Variants in IGF2BP2 observed in about 807,000 individuals in gnomAD.
IGF2BP2 encodes the protein insulin like growth factor 2 mRNA binding protein 2, also known as insulin-like growth factor 2 mRNA-binding protein 2.
In IGF2BP2, 17 loss-of-function variants were observed where a neutral mutation model predicts 75.8. That is an observed-to-expected ratio of 0.22 (90% confidence interval 0.15 to 0.34). The LOEUF (loss-of-function observed/expected upper bound fraction) is 0.34, where lower values mean the gene tolerates loss of function less well. Among genes scored for constraint, IGF2BP2 ranks in the 10% least tolerant of loss-of-function variants. The probability of loss-of-function intolerance (pLI) is 1.00; values close to 1 mark genes in which losing one functional copy is unlikely to be tolerated. For synonymous variants in IGF2BP2, 288 were observed against 295.6 expected, an observed-to-expected ratio of 0.97 and a Z score of 0.26; for missense variants, 516 against 772.4, an observed-to-expected ratio of 0.67 and a Z score of 3.93.
intron 2 of IGF2BP2, among the ~76,000 whole-genome samples, chr3:185,708,948 G>A (rs141611913): frequency 1.4e-3 from 211 of 152,280 alleles, no homozygotes; most frequent in Non-Finnish European, 2.4e-3. Context: ...TTTCCTTAAT[G>A]TTTTAATTCT....
chr3:185,815,285 T>C (rs892107369), intron 2 of IGF2BP2, among the ~76,000 whole-genome samples: 3 of 152,242 alleles, frequency 2.0e-5, no homozygotes, highest in Non-Finnish European at 2.9e-5. Context: ...GAACTTGAGT[T>C]CCTAATCTTT....
At chr3:185,770,721 G>GT (rs1340629755) in intron 2 of IGF2BP2, among the ~76,000 whole-genome samples, 4 of 152,170 alleles carry the variant, frequency 2.6e-5, no homozygotes, top group African/African-American at 9.7e-5. Flanking sequence ...CAAAGAGACT[G>GT]TAATAGATGA....
intron 12 of IGF2BP2, among the ~76,000 whole-genome samples, chr3:185,656,996 A>G (rs1205213895): frequency 6.6e-6 from 1 of 152,236 alleles, no homozygotes; most frequent in Admixed American, 6.5e-5. Context: ...TTAGCTTGGG[A>G]AAATCCTCAA....
intron 2 of IGF2BP2, among the ~76,000 whole-genome samples, chr3:185,756,805 T>G (rs1377015024): frequency 6.6e-6 from 1 of 152,090 alleles, no homozygotes; most frequent in East Asian, 1.9e-4. Flanking sequence ...AAACTCCATC[T>G]CTACAAAATT....
At chr3:185,764,742 T>C (rs368627334) in intron 2 of IGF2BP2, among the ~76,000 whole-genome samples, 1 of 152,252 alleles carries the variant, frequency 6.6e-6, no homozygotes, top group East Asian at 1.9e-4. Flanking sequence ...TGACAGCTAC[T>C]GCCTGTGAGT....
At chr3:185,767,925 T>G (rs1327401504) in intron 2 of IGF2BP2, 1 of 153,098 alleles carries the variant, frequency 6.5e-6, no homozygotes, top group Non-Finnish European at 1.5e-5. Flanking sequence ...AAATAGCAAG[T>G]GTCTTAATCC....
rs570970910 is a variant in IGF2BP2 at position 185,657,173 on chromosome 3, T to C, written c.1386+113A>G. 314 of 690,676 alleles carry C rather than the reference T, an allele frequency of 4.5e-4. 6 individuals carry two copies. The South Asian group carries it at 5.5e-3, about 12-fold the overall frequency. 42.8% of individuals were successfully genotyped at this position (690,676 alleles called of 1,614,324 possible). On this transcript the variant is annotated intron_variant, in intron 12 of 15. Coordinates refer to ENST00000382199, the MANE Select transcript of IGF2BP2 (RefSeq NM_006548.6). ...TCATGGGGCAAATGTTCTAGATCTC[T>C]GTGGGACTCTGTCTCTGCATGGTGT...
At chr3:185,664,750 C>A (rs944520723) in intron 10 of IGF2BP2, among the ~76,000 whole-genome samples, 1 of 152,100 alleles carries the variant, frequency 6.6e-6, no homozygotes, top group African/African-American at 2.4e-5. Context: ...AAAACCAAGA[C>A]AAAGAGTGGG....
intron 2 of IGF2BP2, among the ~76,000 whole-genome samples, chr3:185,771,740 CTG>C (rs1338091715): frequency 3.3e-5 from 5 of 152,082 alleles, no homozygotes; most frequent in South Asian, 4.1e-4. Context: ...GTCTTGTCCT[CTG>C]AGTTTTTTTT....
chr3:185,816,861 A>G (rs1462778821), intron 2 of IGF2BP2, among the ~76,000 whole-genome samples: 4 of 152,230 alleles, frequency 2.6e-5, no homozygotes, highest in Admixed American at 2.6e-4. Context: ...ACATGAAATC[A>G]TCAACCTTTC....
chr3:185,822,488 TAAC>T, intron 2 of IGF2BP2, among the ~76,000 whole-genome samples: 1 of 152,324 alleles, frequency 6.6e-6, no homozygotes, highest in Middle Eastern at 3.4e-3. Flanking sequence ...ACTCCGTCAT[TAAC>T]AACAGTGCAC....
At chr3:185,795,073 ATT>A (rs1737182312) in intron 2 of IGF2BP2, among the ~76,000 whole-genome samples, 1 of 151,790 alleles carries the variant, frequency 6.6e-6, no homozygotes, top group South Asian at 2.1e-4. Flanking sequence ...ACTTTTTTGT[ATT>A]TTTAGTAGAG....
At chr3:185,658,198 G>A in intron 11 of IGF2BP2, 143 bp downstream of exon 11, 2 of 802,172 alleles carry the variant, frequency 2.5e-6, no homozygotes, top group Non-Finnish European at 4.2e-6. Context: ...GGCGTGCTCA[G>A]GCTTTGAGGT....
intron 2 of IGF2BP2, among the ~76,000 whole-genome samples, chr3:185,700,225 G>GA (rs1723105201): frequency 6.6e-6 from 1 of 152,088 alleles, no homozygotes; most frequent in Non-Finnish European, 1.5e-5. Context: ...ACACACAGAG[G>GA]TACAGAGATG....
chr3:185,664,378 C>A (rs1400548372), intron 10 of IGF2BP2, among the ~76,000 whole-genome samples: 1 of 152,180 alleles, frequency 6.6e-6, no homozygotes, highest in East Asian at 1.9e-4. Flanking sequence ...TGTAATTATG[C>A]TCTCTGTTGA....
At position 185,823,171 on chromosome 3, in the gene IGF2BP2, G is replaced by A. The variant is rs1401604321; in HGVS notation, c.221C>T (p.Ser74Leu). 9.3e-6 allele frequency: 15 copies of A among 1,606,256 alleles called. No individual in the cohort carries two copies. Among genetic ancestry groups the A allele is most frequent in the Non-Finnish European group, 1.2e-5 (14 of 1,176,172 alleles). Residue 74 changes from serine to leucine, a missense_variant, in exon 2 of 16, where the codon TCA (serine) becomes TTA (leucine). Transcript: ENST00000382199. ...TATTTACCTTAGCTTTTTAGAGACT[G>A]AGTAATCAACTTCCATGATTTTCCC... The part of the protein sequence containing the change: ...LHGKIMEVDY[S>L]VSKKLRSRKI...
chr3:185,783,162 T>C (rs1322836494), intron 2 of IGF2BP2, among the ~76,000 whole-genome samples: 1 of 152,216 alleles, frequency 6.6e-6, no homozygotes, highest in African/African-American at 2.4e-5. Context: ...ACACACAAGA[T>C]ACTTGCAAAC....
At chr3:185,648,056 G>C (rs894509743) in intron 14 of IGF2BP2, among the ~76,000 whole-genome samples, 1 of 151,566 alleles carries the variant, frequency 6.6e-6, no homozygotes, top group Non-Finnish European at 1.5e-5. Flanking sequence ...ACTGCATTCT[G>C]GAGACGGGGA....
At chr3:185,764,879 A>G (rs114120963) in intron 2 of IGF2BP2, among the ~76,000 whole-genome samples, 5 of 152,080 alleles carry the variant, frequency 3.3e-5, no homozygotes, top group Non-Finnish European at 7.4e-5. Flanking sequence ...CTCTGAGACA[A>G]TGGGGCTCTG....
Sources: gnomAD v4.1 joint callset for allele counts (sites outside exome capture counted in the v4.1 genomes callset) on GRCh38, gnomAD v4.1.1 for gene constraint, MANE v1.5 for transcripts, NCBI Gene and HGNC (gene_info 2026-07-23, HGNC 2026-07-21) for gene names.